Variants in APBB2 observed in about 807,000 individuals in gnomAD.
APBB2 encodes the protein Fe65-like 1.
Under a neutral mutation model 82.5 loss-of-function variants are expected in APBB2, and 38 were observed. That is an observed-to-expected ratio of 0.46 (90% CI 0.36 to 0.60). The LOEUF is 0.60. Among genes scored for constraint, APBB2 ranks in the 20% least tolerant of loss-of-function variants. The probability of loss-of-function intolerance (pLI) is 0.00; values close to 1 mark genes in which losing one functional copy is unlikely to be tolerated. For missense variants in APBB2, 772 were observed against 972.3 expected (o/e 0.79, Z 2.74); for synonymous variants, 341 against 368.2 (o/e 0.93, Z 0.85).
At chr4:40,935,181 T>A in intron 7 of APBB2, 42 bp from the exon 8 acceptor site, 1 of 1,322,802 alleles carries the variant, frequency 7.6e-7, no homozygotes, top group South Asian at 1.4e-5. Flanking sequence ...GCACATTGAT[T>A]TAAAGAAAAA....
At chr4:41,049,891 T>G (rs533857611) in intron 4 of APBB2, among the ~76,000 whole-genome samples, 267 of 152,214 alleles carry the variant, frequency 1.8e-3, no homozygotes, top group African/African-American at 6.2e-3. Flanking sequence ...GTGCAAGATG[T>G]GCTTTGTTAA....
intron 2 of APBB2, among the ~76,000 whole-genome samples, chr4:41,136,652 G>A (rs1241061544): frequency 6.6e-6 from 1 of 152,140 alleles, no homozygotes; most frequent in Admixed American, 6.5e-5. Flanking sequence ...CGCATGGCTT[G>A]ACCTACTAAC....
At chr4:40,890,618 G>A in intron 11 of APBB2, 127 bp from the exon 12 acceptor site, 1 of 1,289,824 alleles carries the variant, frequency 7.8e-7, no homozygotes, top group Non-Finnish European at 1.1e-6. Flanking sequence ...TAATTTGTCT[G>A]CCTAAGAAAC....
chr4:41,175,726 G>C (rs548700711), intron 1 of APBB2, among the ~76,000 whole-genome samples: 1 of 152,212 alleles, frequency 6.6e-6, no homozygotes, highest in East Asian at 1.9e-4. Context: ...AAATGAAGTT[G>C]AATGTTTGAA....
intron 2 of APBB2, among the ~76,000 whole-genome samples, chr4:41,137,606 T>G (rs1757937457): frequency 1.3e-5 from 2 of 152,238 alleles, no homozygotes; most frequent in African/African-American, 4.8e-5. Context: ...TGAACTAACT[T>G]TTTTCATAGA....
Position 41,157,484 on chromosome 4 carries a change from T to C in APBB2, c.-416-14342A>G, listed in dbSNP as rs1763770505. 2.0e-5 allele frequency among the ~76,000 whole-genome samples: 3 copies of C among 152,106 alleles called. No individual in the cohort carries two copies. In the South Asian group the frequency reaches 6.2e-4, roughly 32 times the overall value. ...CCTAGAGCAAGCTAATCCCAAACGC[T>C]CTACCGATAGGTGGGAGAGTGGAAT... On this transcript the variant is annotated intron_variant, in intron 1 of 17. Transcript: ENST00000508593.
Position 40,942,363 on chromosome 4 carries a change from G to T in APBB2, c.1044+2502C>A, listed in dbSNP as rs935485487. Among the ~76,000 whole-genome samples the T allele has an allele frequency of 2.0e-5, 3 of 152,196 alleles. No homozygotes were observed. The South Asian group carries it at 6.2e-4, about 31-fold the overall frequency. ...ACAAATGGTACAGTGAGCAGCAGAA[G>T]AGAGGAATGGAACTGATAGAAGGTG... On this transcript the variant is annotated intron_variant, in intron 7 of 17. Coordinates refer to ENST00000508593, the MANE Select transcript of APBB2 (RefSeq NM_004307.2).
At chr4:40,944,333 G>A (rs557677622) in intron 7 of APBB2, among the ~76,000 whole-genome samples, 1 of 152,312 alleles carries the variant, frequency 6.6e-6, no homozygotes, top group Admixed American at 6.5e-5. Context: ...AATTTATGCT[G>A]TTAATCGTTT....
At chr4:40,986,807 T>C (rs746038817) in intron 6 of APBB2, among the ~76,000 whole-genome samples, 4 of 152,208 alleles carry the variant, frequency 2.6e-5, no homozygotes, top group Non-Finnish European at 4.4e-5. Flanking sequence ...TTATTTCAAA[T>C]TGCTTGAATA....
At chr4:40,946,569 G>C (rs1324845903) in intron 6 of APBB2, among the ~76,000 whole-genome samples, 2 of 151,982 alleles carry the variant, frequency 1.3e-5, no homozygotes, top group East Asian at 3.9e-4. Context: ...GAGTTGACTA[G>C]GAAATGGGTA....
intron 1 of APBB2, among the ~76,000 whole-genome samples, chr4:41,157,999 A>G (rs887476320): frequency 1.3e-5 from 2 of 152,142 alleles, no homozygotes; most frequent in African/African-American, 4.8e-5. Flanking sequence ...CTCAAAAACC[A>G]AACAGTCAAA....
At chr4:41,037,640 T>C (rs1362284732) in intron 4 of APBB2, among the ~76,000 whole-genome samples, 1 of 152,164 alleles carries the variant, frequency 6.6e-6, no homozygotes, top group Non-Finnish European at 1.5e-5. Context: ...TTTAACGTGG[T>C]ACTAGAAAAT....
At chr4:40,977,816 A>C (rs1797557612) in intron 6 of APBB2, among the ~76,000 whole-genome samples, 1 of 152,246 alleles carries the variant, frequency 6.6e-6, no homozygotes, top group African/African-American at 2.4e-5. Flanking sequence ...CACTGGAGAC[A>C]TTGCTGTCAC....
At chr4:41,113,183 C>G (rs1283130466) in intron 2 of APBB2, among the ~76,000 whole-genome samples, 1 of 152,134 alleles carries the variant, frequency 6.6e-6, no homozygotes, top group East Asian at 1.9e-4. Context: ...ATCAAAGGCA[C>G]CAACCTGATG....
intron 10 of APBB2, among the ~76,000 whole-genome samples, chr4:40,933,775 T>C (rs1005675635): frequency 3.3e-5 from 5 of 152,210 alleles, no homozygotes; most frequent in African/African-American, 7.2e-5. Context: ...AGCCCTCTCA[T>C]GGACATTCCA....
intron 2 of APBB2, among the ~76,000 whole-genome samples, chr4:41,133,354 C>T (rs1756626863): frequency 6.6e-6 from 1 of 152,138 alleles, no homozygotes; most frequent in South Asian, 2.1e-4. Flanking sequence ...ATAATTTAAT[C>T]TCAAACAGAA....
intron 12 of APBB2, among the ~76,000 whole-genome samples, chr4:40,834,403 C>T (rs1016532539): frequency 6.6e-6 from 1 of 152,176 alleles, no homozygotes. Flanking sequence ...ACCAGTGGAG[C>T]GACTTCATCT....
At chr4:41,199,386 A>G (rs1300249633) in intron 1 of APBB2, among the ~76,000 whole-genome samples, 1 of 152,224 alleles carries the variant, frequency 6.6e-6, no homozygotes, top group East Asian at 1.9e-4. Flanking sequence ...TCTTTGTCAT[A>G]AAAAAGCAAG....
intron 1 of APBB2, among the ~76,000 whole-genome samples, chr4:41,209,907 G>A (rs1778906972): frequency 6.6e-6 from 1 of 152,182 alleles, no homozygotes; most frequent in African/African-American, 2.4e-5. Flanking sequence ...CTCTAAACCA[G>A]TGGTCTCCAG....
Sources: gnomAD v4.1 joint callset for allele counts (sites outside exome capture counted in the v4.1 genomes callset) on GRCh38, gnomAD v4.1.1 for gene constraint, MANE v1.5 for transcripts, NCBI Gene and HGNC (gene_info 2026-07-23, HGNC 2026-07-21) for gene names.